RAB40A: variants seen among roughly 807,000 people sequenced by gnomAD.
RAB40A encodes ras-related protein Rab-40A.
For synonymous variants in RAB40A, 65 were observed against 99.9 expected (o/e 0.65, Z 2.08); for missense variants, 145 against 230.2 (o/e 0.63, Z 2.40).
chrX:103,511,670 G>A (rs2073290763), intron 2 of RAB40A, among the ~76,000 whole-genome samples: 1 of 109,831 alleles, frequency 9.1e-6, no homozygotes, highest in African/African-American at 3.3e-5. Flanking sequence ...ACACAGGGAC[G>A]GGAACATCAC....
chrX:103,510,367 A>G (rs1216194904), intron 2 of RAB40A, among the ~76,000 whole-genome samples: 1 of 111,999 alleles, frequency 8.9e-6, no homozygotes, highest in Non-Finnish European at 1.9e-5. Context: ...ATACCTAAAA[A>G]TCACTCAGAT....
rs866129912 is a variant in RAB40A, at chrX:103,500,201, G to A, written c.556C>T (p.Pro186Ser). Residue 186 changes from proline to serine, a missense_variant, in exon 3 of 3, where the codon CCG becomes TCG. Physicochemically the swap from Pro to Ser is moderately conservative, Grantham distance 74. Transcript: ENST00000304236. ...TCTTGCAAGCTCAGTACCTTGCTCG[G>A]CCTCCCGAGCCAATTCATCCTGTGC... ...LRHRMNWLGRPSKVLSLQDLC... is the reference protein window; with the variant it reads ...LRHRMNWLGRSSKVLSLQDLC... 1 of 1,209,484 alleles carries A rather than the reference G, an allele frequency of 8.3e-7. No individual in the cohort carries two copies. Among genetic ancestry groups the A allele is most frequent in the East Asian group, 3.0e-5 (1 of 33,746 alleles).
At chrX:103,512,145 T>C (rs969554768) in intron 2 of RAB40A, among the ~76,000 whole-genome samples, 1 of 111,757 alleles carries the variant, frequency 8.9e-6, no homozygotes, top group Non-Finnish European at 1.9e-5. Context: ...ATTCCTTGAG[T>C]TCGATGTTTT....
intron 2 of RAB40A, among the ~76,000 whole-genome samples, chrX:103,513,994 TA>T (rs2073304317): frequency 9.0e-6 from 1 of 111,564 alleles, no homozygotes; most frequent in African/African-American, 3.3e-5. Flanking sequence ...ACATTTTTTT[TA>T]AATGACTGAA....
intron 2 of RAB40A, chrX:103,502,863 C>G (rs918133774): frequency 5.2e-6 from 4 of 762,091 alleles, no homozygotes; most frequent in African/African-American, 2.3e-5. Flanking sequence ...ATGAGAAAAC[C>G]TGTTGAGAGT....
intron 2 of RAB40A, among the ~76,000 whole-genome samples, chrX:103,516,889 A>T (rs2073319585): frequency 1.8e-5 from 2 of 111,916 alleles, no homozygotes; most frequent in African/African-American, 6.5e-5. Flanking sequence ...AAACATTCTA[A>T]GTACATGACA....
chrX:103,499,076 A>G (rs1364614700), downstream of RAB40A: 1 of 113,246 alleles, frequency 8.8e-6, no homozygotes, highest in African/African-American at 3.2e-5. Flanking sequence ...TTGCGGGGTT[A>G]CACTATACAT....
intron 2 of RAB40A, among the ~76,000 whole-genome samples, chrX:103,510,336 C>T (rs757086776): frequency 8.9e-6 from 1 of 112,104 alleles, no homozygotes. Flanking sequence ...TGTGAGGGAA[C>T]TACGAGCACC....
At chrX:103,512,493 C>A (rs967054640) in intron 2 of RAB40A, among the ~76,000 whole-genome samples, 1 of 111,112 alleles carries the variant, frequency 9.0e-6, no homozygotes, top group Non-Finnish European at 1.9e-5. Flanking sequence ...TGGAAACAAC[C>A]GCTCCTCTTT....
intron 1 of RAB40A, among the ~76,000 whole-genome samples, chrX:103,518,910 T>C (rs1425202287): frequency 2.7e-5 from 3 of 111,948 alleles, no homozygotes; most frequent in African/African-American, 9.7e-5. Flanking sequence ...AATTAGAATA[T>C]CATCCTTTTA....
chrX:103,503,572 T>TAAAAA (rs113570594), intron 2 of RAB40A: 90 of 518,925 alleles, frequency 1.7e-4, no homozygotes, highest in Non-Finnish European at 1.9e-4. Flanking sequence ...TGTCCTCCTT[T>TAAAAA]AAAAAAAAAA....
downstream of RAB40A, among the ~76,000 whole-genome samples, chrX:103,495,236 A>G (rs1288844320): frequency 8.9e-6 from 1 of 111,767 alleles, no homozygotes; most frequent in Non-Finnish European, 1.9e-5. Flanking sequence ...ATATAGAAAC[A>G]CTACTGATTT....
chrX:103,493,618 G>T, the RAB40A span, among the ~76,000 whole-genome samples: 17,159 of 110,904 alleles, frequency 0.15, 3,322 homozygotes, highest in African/African-American at 0.54. Context: ...CATCCTTCTA[G>T]TCTCTACCTC....
At position 103,500,265 on chromosome X, in the gene RAB40A, T is replaced by A; in HGVS notation, c.492A>T (p.Ile164=). The A allele has an allele frequency of 1.7e-6, 2 of 1,211,893 alleles. No individual in the cohort carries two copies. The highest frequency in any genetic ancestry group is 2.2e-6 in the Non-Finnish European group (2 of 895,524). ...TCCTGGCCAGCTCCGTGAAAGACTC[T>A]ATGATGTTGAAATTGCACAGAGGGC... The part of the protein sequence containing the change: ...EVSPLCNFNI[I]ESFTELARIV... Residue 164 remains isoleucine, a synonymous_variant, in exon 3 of 3, where the codon ATA becomes ATT. Coordinates refer to ENST00000304236, the MANE Select transcript of RAB40A (RefSeq NM_080879.3).
Position 103,504,515 on chromosome X carries a change from A to T in RAB40A, c.-70-3689T>A, listed in dbSNP as rs942119205. 3.9e-4 allele frequency among the ~76,000 whole-genome samples: 43 copies of T among 110,694 alleles called. 1 individual carries two copies. In the Middle Eastern group the frequency reaches 0.014, roughly 36 times the overall value. ...CAGAAAGGCATCAGAATATATATAT[A>T]TTTTTATTTTATTTTATTTTATTTT... On this transcript the variant is annotated intron_variant, in intron 2 of 2. Coordinates refer to ENST00000304236, the MANE Select transcript of RAB40A (RefSeq NM_080879.3).
intron 2 of RAB40A, chrX:103,503,541 AGTTT>A (rs1041239053): frequency 3.1e-4 from 228 of 729,579 alleles, no homozygotes; most frequent in Non-Finnish European, 3.4e-4. Context: ...CTGGCATCGT[AGTTT>A]GTCACTCTTT....
downstream of RAB40A, among the ~76,000 whole-genome samples, chrX:103,498,277 A>G (rs1369100552): frequency 1.8e-5 from 2 of 112,133 alleles, no homozygotes; most frequent in East Asian, 2.8e-4. Flanking sequence ...CTGATACAGG[A>G]ACTGTCTGCG....
At chrX:103,495,026 T>TG (rs2073158271), downstream of RAB40A, among the ~76,000 whole-genome samples, 1 of 112,167 alleles carries the variant, frequency 8.9e-6, no homozygotes, top group Non-Finnish European at 1.9e-5. Context: ...TTAACAATAT[T>TG]GATTCTTCCA....
downstream of RAB40A, among the ~76,000 whole-genome samples, chrX:103,498,321 C>A (rs2073195581): frequency 8.9e-6 from 1 of 112,345 alleles, no homozygotes; most frequent in African/African-American, 3.2e-5. Context: ...CAGACACACT[C>A]CCTTGTCTAC....
Sources: gnomAD v4.1 joint callset for allele counts (sites outside exome capture counted in the v4.1 genomes callset) on GRCh38, gnomAD v4.1.1 for gene constraint, MANE v1.5 for transcripts, NCBI Gene and HGNC (gene_info 2026-07-23, HGNC 2026-07-21) for gene names.